The following MCTP1 variants were observed in gnomAD, a reference collection of about 807,000 sequenced individuals.
MCTP1 encodes the protein multiple C2 and transmembrane domain containing 1.
MCTP1 carries 69 observed loss-of-function variants against 120.6 expected under a neutral mutation model. The observed-to-expected ratio is 0.57, with a 90% CI of 0.47 to 0.70. MCTP1 has a LOEUF of 0.70. MCTP1 is among the 30% of genes least tolerant of loss of function. The pLI is 0.00. For missense variants in MCTP1, 1,203 were observed against 1,248.8 expected, an observed-to-expected ratio of 0.96 and a Z score of 0.55; for synonymous variants, 529 against 493.1, an observed-to-expected ratio of 1.07 and a Z score of -0.96.
At chr5:95,088,903 C>A (rs181297253) in intron 1 of MCTP1, among the ~76,000 whole-genome samples, 2 of 152,104 alleles carry the variant, frequency 1.3e-5, no homozygotes, top group Non-Finnish European at 2.9e-5. Flanking sequence ...CTCCAGAGTA[C>A]GCATTATCAG....
At chr5:95,281,794 T>C (rs1043641452) in intron 1 of MCTP1, among the ~76,000 whole-genome samples, 2 of 152,228 alleles carry the variant, frequency 1.3e-5, no homozygotes, top group Non-Finnish European at 2.9e-5. Flanking sequence ...TTATGATAGC[T>C]AATCCATCAT....
intron 2 of MCTP1, among the ~76,000 whole-genome samples, chr5:95,002,854 G>A (rs1833989291): frequency 6.6e-6 from 1 of 152,088 alleles, no homozygotes; most frequent in Admixed American, 6.5e-5. Flanking sequence ...AGATTTGGGA[G>A]GGACCAAGGG....
At chr5:94,915,665 G>T (rs556986403) in intron 8 of MCTP1, among the ~76,000 whole-genome samples, 14 of 151,922 alleles carry the variant, frequency 9.2e-5, no homozygotes, top group Middle Eastern at 3.4e-3. Context: ...TTGTTTTCTG[G>T]TTTTTTTGTT....
intron 2 of MCTP1, among the ~76,000 whole-genome samples, chr5:94,986,413 T>A (rs1025592707): frequency 1.3e-5 from 2 of 152,204 alleles, no homozygotes; most frequent in Non-Finnish European, 2.9e-5. Flanking sequence ...CTTTTCATAA[T>A]CTGTTTTACT....
At chr5:95,177,962 T>C (rs186745529) in intron 1 of MCTP1, among the ~76,000 whole-genome samples, 1 of 152,288 alleles carries the variant, frequency 6.6e-6, no homozygotes, top group African/African-American at 2.4e-5. Context: ...ATGTAGTGCC[T>C]ACAAATCAAA....
chr5:94,741,558 A>G (rs181649412), intron 19 of MCTP1, among the ~76,000 whole-genome samples: 6 of 152,374 alleles, frequency 3.9e-5, no homozygotes, highest in Non-Finnish European at 7.3e-5. Context: ...GGCAAGCTCC[A>G]GGACTCAGAC....
Position 95,017,369 on chromosome 5 carries a change from C to T in MCTP1, c.836G>A (p.Gly279Glu). 1.3e-6 allele frequency: 2 copies of T among 1,597,848 alleles called. No homozygotes were observed. The highest frequency in any genetic ancestry group is 8.6e-7 in the Non-Finnish European group (1 of 1,168,860). ...RGQSLAARDR[G>E]GTSDPYVKFK... ...TGATATTGCTCTTATGCTCTTACCT[C>T]CTCGATCTCGAGCAGCTAAACTTTG... is the stretch of plus-strand genomic sequence containing the variant. The change falls in exon 2 of 23, where the codon GGA becomes GAA. Residue 279 changes from glycine (G) to glutamate (E), a missense_variant and splice_region_variant. Coordinates refer to ENST00000515393, the MANE Select transcript of MCTP1 (RefSeq NM_024717.7).
chr5:95,233,287 T>G (rs1250582245), intron 1 of MCTP1, among the ~76,000 whole-genome samples: 1 of 151,960 alleles, frequency 6.6e-6, no homozygotes. Flanking sequence ...CAAAAAGATC[T>G]CTTGAAACTC....
chr5:95,245,356 AG>A (rs1391185907), intron 1 of MCTP1, among the ~76,000 whole-genome samples: 1 of 152,186 alleles, frequency 6.6e-6, no homozygotes, highest in Non-Finnish European at 1.5e-5. Flanking sequence ...AGGCTTCAGA[AG>A]GTCCATACTA....
At chr5:95,214,438 A>T (rs1326020532) in intron 1 of MCTP1, among the ~76,000 whole-genome samples, 1 of 152,050 alleles carries the variant, frequency 6.6e-6, no homozygotes, top group Non-Finnish European at 1.5e-5. Flanking sequence ...TAGTTCAACC[A>T]TTGTGGAAGT....
intron 2 of MCTP1, among the ~76,000 whole-genome samples, chr5:95,015,733 T>C (rs1415288630): frequency 6.6e-6 from 1 of 152,144 alleles, no homozygotes; most frequent in African/African-American, 2.4e-5. Flanking sequence ...TACAGCTCCA[T>C]AGTATTCCGC....
At chr5:94,723,976 C>T (rs549940446) in intron 19 of MCTP1, among the ~76,000 whole-genome samples, 38 of 151,966 alleles carry the variant, frequency 2.5e-4, no homozygotes, top group African/African-American at 7.5e-4. Context: ...GATACTCTAA[C>T]GGATGGAAGA....
chr5:94,879,907 CA>C (rs1287076629), intron 12 of MCTP1, among the ~76,000 whole-genome samples: 2 of 151,860 alleles, frequency 1.3e-5, no homozygotes, highest in Admixed American at 6.6e-5. Flanking sequence ...GAACTATCTG[CA>C]AAAGAATATT....
Position 94,841,120 on chromosome 5 carries a change from C to T in MCTP1, c.2436+27213G>A, listed in dbSNP as rs150857180. Among the ~76,000 whole-genome samples, 151 of 152,242 alleles carry T rather than the reference C, an allele frequency of 9.9e-4. 2 individuals are homozygous for T. The highest frequency in any genetic ancestry group is 6.0e-3 in the South Asian group (29 of 4,824). ...GCATGTGACCGAGGCTTAAAGGTGA[C>T]GAGTAGGTGTGCCCTTCCCTTGTAC... On this transcript the variant is annotated intron_variant, in intron 17 of 22. Coordinates refer to ENST00000515393, the MANE Select transcript of MCTP1 (RefSeq NM_024717.7).
At chr5:95,259,177 G>A (rs1247298925) in intron 1 of MCTP1, among the ~76,000 whole-genome samples, 4 of 152,140 alleles carry the variant, frequency 2.6e-5, no homozygotes, top group Admixed American at 6.5e-5. Context: ...GAGGCCACAG[G>A]AAATGGACTA....
intron 6 of MCTP1, chr5:94,929,763 A>G: frequency 1.3e-6 from 1 of 752,716 alleles, no homozygotes; most frequent in African/African-American, 1.9e-5. Context: ...TGGATTTAAC[A>G]TTGCGCTCTT....
intron 3 of MCTP1, among the ~76,000 whole-genome samples, chr5:94,949,477 A>T (rs972401832): frequency 6.6e-6 from 1 of 152,164 alleles, no homozygotes; most frequent in African/African-American, 2.4e-5. Context: ...CATTAAAATT[A>T]AAAGTTACAT....
chr5:94,880,362 C>T (rs1307705877), intron 12 of MCTP1, among the ~76,000 whole-genome samples: 1 of 152,060 alleles, frequency 6.6e-6, no homozygotes, highest in Non-Finnish European at 1.5e-5. Flanking sequence ...TTCAGATAAG[C>T]TTTCCTATAA....
intron 1 of MCTP1, among the ~76,000 whole-genome samples, chr5:95,056,767 ACTCTCGTCAGTT>A (rs1747489430): frequency 6.6e-6 from 1 of 151,832 alleles, no homozygotes; most frequent in Non-Finnish European, 1.5e-5. Flanking sequence ...TAGTGATGTT[ACTCTCGTCAGTT>A]CTCTGGGGGA....
Sources: gnomAD v4.1 joint callset for allele counts (sites outside exome capture counted in the v4.1 genomes callset) on GRCh38, gnomAD v4.1.1 for gene constraint, MANE v1.5 for transcripts, NCBI Gene and HGNC (gene_info 2026-07-23, HGNC 2026-07-21) for gene names.